Variants in POU2F1 observed in about 807,000 individuals in gnomAD.
The protein encoded by POU2F1 is POU class 2 homeobox 1.
POU2F1 carries 16 observed loss-of-function variants against 84.9 expected under a neutral mutation model. The observed-to-expected ratio is 0.19, with a 90% CI of 0.13 to 0.29. The LOEUF is 0.29. Among genes scored for constraint, POU2F1 ranks in the 10% least tolerant of loss-of-function variants. POU2F1 has a pLI of 1.00. For synonymous variants in POU2F1, 368 were observed against 368.3 expected (o/e 1.00, Z 0.01); for missense variants, 738 against 942.6 (o/e 0.78, Z 2.84).
chr1:167,398,824 G>T (rs1648993149), intron 11 of POU2F1, among the ~76,000 whole-genome samples: 3 of 151,714 alleles, frequency 2.0e-5, no homozygotes, highest in Admixed American at 1.3e-4. Context: ...CCTTCATTGT[G>T]AAATACCTGC....
chr1:167,404,858 G>A, intron 13 of POU2F1, among the ~76,000 whole-genome samples: 1 of 152,028 alleles, frequency 6.6e-6, no homozygotes, highest in East Asian at 1.9e-4. Flanking sequence ...CTGCAAATCT[G>A]TCTAAATCTC....
intron 1 of POU2F1, among the ~76,000 whole-genome samples, chr1:167,235,930 A>G (rs922235669): frequency 3.3e-5 from 5 of 152,160 alleles, no homozygotes; most frequent in African/African-American, 1.2e-4. Context: ...GAATATACAC[A>G]CTTAAAAATT....
At chr1:167,363,022 A>G (rs1013853877) in intron 2 of POU2F1, among the ~76,000 whole-genome samples, 1 of 152,218 alleles carries the variant, frequency 6.6e-6, no homozygotes, top group African/African-American at 2.4e-5. Flanking sequence ...ACATTTTACA[A>G]TACAGAGACC....
At chr1:167,305,949 C>A (rs903533737) in intron 1 of POU2F1, among the ~76,000 whole-genome samples, 3 of 152,088 alleles carry the variant, frequency 2.0e-5, no homozygotes, top group African/African-American at 7.2e-5. Context: ...CACATGTATT[C>A]TTTTATTTTT....
intron 1 of POU2F1, among the ~76,000 whole-genome samples, chr1:167,222,700 C>G (rs1235178122): frequency 6.6e-6 from 1 of 152,144 alleles, no homozygotes; most frequent in Non-Finnish European, 1.5e-5. Context: ...TGGGGCTTTA[C>G]TAGCATTAAA....
intron 13 of POU2F1, among the ~76,000 whole-genome samples, chr1:167,406,094 G>A (rs776223217): frequency 1.3e-5 from 2 of 151,950 alleles, no homozygotes; most frequent in East Asian, 1.9e-4. Context: ...CATATTCCTC[G>A]AGAAAATATA....
intron 1 of POU2F1, among the ~76,000 whole-genome samples, chr1:167,264,394 A>G (rs1279384103): frequency 6.6e-6 from 1 of 152,134 alleles, no homozygotes; most frequent in Non-Finnish European, 1.5e-5. Flanking sequence ...GATGACCTCA[A>G]AGGTCAGTGT....
intron 1 of POU2F1, chr1:167,329,208 T>A: frequency 3.3e-6 from 5 of 1,535,548 alleles, no homozygotes; most frequent in Non-Finnish European, 4.4e-6. Flanking sequence ...AGTACCTTCT[T>A]TCCCCACCCC....
intron 1 of POU2F1, among the ~76,000 whole-genome samples, chr1:167,285,446 G>A (rs981575746): frequency 6.6e-6 from 1 of 152,138 alleles, no homozygotes; most frequent in Non-Finnish European, 1.5e-5. Flanking sequence ...CAAAAAATTA[G>A]CCAGGCGCAG....
At chr1:167,321,139 C>G (rs1053366927) in intron 1 of POU2F1, among the ~76,000 whole-genome samples, 30 of 152,124 alleles carry the variant, frequency 2.0e-4, no homozygotes, top group African/African-American at 6.3e-4. Context: ...TAATATTTCT[C>G]GAGTGGGGGC....
intron 1 of POU2F1, among the ~76,000 whole-genome samples, chr1:167,309,885 G>A (rs774608113): frequency 6.6e-5 from 10 of 151,960 alleles, no homozygotes; most frequent in Admixed American, 1.3e-4. Context: ...AATTGCTTTC[G>A]TTATATGAAA....
intron 2 of POU2F1, among the ~76,000 whole-genome samples, chr1:167,351,865 C>T (rs921812194): frequency 6.6e-6 from 1 of 152,100 alleles, no homozygotes; most frequent in African/African-American, 2.4e-5. Flanking sequence ...TGTAATGTTT[C>T]CTCTCTCATT....
At chr1:167,248,501 T>C (rs1650500833) in intron 1 of POU2F1, among the ~76,000 whole-genome samples, 1 of 152,162 alleles carries the variant, frequency 6.6e-6, no homozygotes, top group African/African-American at 2.4e-5. Flanking sequence ...CAACTGAAAT[T>C]ATAATACCCT....
intron 1 of POU2F1, among the ~76,000 whole-genome samples, chr1:167,244,844 A>G (rs1650193828): frequency 1.3e-5 from 2 of 152,216 alleles, no homozygotes; most frequent in Admixed American, 6.5e-5. Context: ...GTTCTTCTCT[A>G]GGATAAGATC....
chr1:167,316,638 A>G lies in POU2F1; in HGVS notation c.62-15832A>G, dbSNP rs187714775. 3.4e-3 allele frequency among the ~76,000 whole-genome samples: 519 copies of G among 152,344 alleles called. 6 individuals are homozygous for G. The highest frequency in any genetic ancestry group is 0.012 in the African/African-American group (485 of 41,582). Reference sequence around the variant, plus strand: ...GAGGAGGAATGTATCTTTAGATTTTATATCTGATATAGAACTCTGAGATAT... The same window carrying G: ...GAGGAGGAATGTATCTTTAGATTTTGTATCTGATATAGAACTCTGAGATAT... On this transcript the variant is annotated intron_variant, in intron 1 of 15. Transcript: ENST00000367866.
At chr1:167,269,929 A>G (rs546674813) in intron 1 of POU2F1, among the ~76,000 whole-genome samples, 1,758 of 150,782 alleles carry the variant, frequency 0.012, 35 homozygotes, top group African/African-American at 0.04. Context: ...AAAAAAAAAA[A>G]GAGTAAGAGT....
intron 7 of POU2F1, among the ~76,000 whole-genome samples, chr1:167,378,334 C>A (rs1660467260): frequency 6.6e-6 from 1 of 151,890 alleles, no homozygotes; most frequent in South Asian, 2.1e-4. Context: ...CTCCCAGGTT[C>A]AAGCAATTCT....
chr1:167,374,281 C>T lies in POU2F1; in HGVS notation c.576C>T (p.Pro192=). The T allele has an allele frequency of 6.2e-7, 1 of 1,602,048 alleles. No homozygotes were observed. Residue 192 remains proline, a synonymous_variant, in exon 6 of 16, where the codon CCC becomes CCT. Transcript: ENST00000367866. ...TPMTQIPLSQ[P]IQIAQDLQQL... Reference sequence around the variant, plus strand: ...TGACGCAGATCCCCCTGTCTCAGCCCATACAGATCGCACAGGTGAGTGAGG... The same window carrying T: ...TGACGCAGATCCCCCTGTCTCAGCCTATACAGATCGCACAGGTGAGTGAGG...
chr1:167,313,237 G>A (rs1292516958), intron 1 of POU2F1, among the ~76,000 whole-genome samples: 2 of 151,820 alleles, frequency 1.3e-5, no homozygotes, highest in Non-Finnish European at 1.5e-5. Context: ...GATAACATAG[G>A]AAACATCAGT....
Sources: allele counts gnomAD v4.1 joint callset (sites outside exome capture counted in the v4.1 genomes callset), GRCh38; gene constraint gnomAD v4.1.1; transcripts MANE v1.5; gene names NCBI Gene and HGNC (gene_info 2026-07-23, HGNC 2026-07-21).